Variants in PRIM2 observed in about 807,000 individuals in gnomAD.
The protein encoded by PRIM2 is DNA primase large subunit.
PRIM2 carries 39 observed loss-of-function variants against 67.3 expected under a neutral mutation model. That is an observed-to-expected ratio of 0.58 (90% CI 0.45 to 0.76). The LOEUF (loss-of-function observed/expected upper bound fraction) is 0.76, where lower values mean the gene tolerates loss of function less well. Ranked by LOEUF, PRIM2 falls within the 30% of genes least tolerant of loss-of-function variation. The pLI, the probability that PRIM2 is intolerant of heterozygous loss-of-function variation, is 0.00. For missense variants in PRIM2, 398 were observed against 598.7 expected, an observed-to-expected ratio of 0.66 and a Z score of 3.50; for synonymous variants, 143 against 198.7, an observed-to-expected ratio of 0.72 and a Z score of 2.36.
chr6:57,271,073 A>T, the PRIM2 span, among the ~76,000 whole-genome samples: 18 of 152,326 alleles, frequency 1.2e-4, no homozygotes, highest in African/African-American at 4.1e-4. Context: ...CATCAGGGAT[A>T]TCGGTCTAAA....
chr6:57,637,283 A>T (rs1777138111), intron 13 of PRIM2, among the ~76,000 whole-genome samples: 1 of 152,200 alleles, frequency 6.6e-6, no homozygotes, highest in East Asian at 1.9e-4. Flanking sequence ...AAGGTAGATA[A>T]ATCACAAAGA....
chr6:57,513,598 T>C lies in PRIM2; in HGVS notation c.761+6144T>C, dbSNP rs1554347919. On this transcript the variant is annotated intron_variant, in intron 8 of 13. Coordinates refer to ENST00000615550, the MANE Select transcript of PRIM2 (RefSeq NM_000947.5). ...GACAGCATATTATAAGTCACTGTAA[T>C]AGTTGCTATTATTGGCTGGACGCGG... Among the ~76,000 whole-genome samples the C allele has an allele frequency of 3.9e-5, 6 of 152,296 alleles. No individual in the cohort carries two copies. The East Asian group carries it at 1.2e-3, about 29-fold the overall frequency.
rs1222430566 is a variant in PRIM2 at position 57,627,837 on chromosome 6, A to T, written c.1231-4296A>T. 1.4e-4 allele frequency among the ~76,000 whole-genome samples: 21 copies of T among 152,338 alleles called. No individual in the cohort carries two copies. In the East Asian group the frequency reaches 4.0e-3, roughly 29 times the overall value. On this transcript the variant is annotated intron_variant, in intron 12 of 13. Coordinates refer to ENST00000615550, the MANE Select transcript of PRIM2 (RefSeq NM_000947.5). ...ATTTGTATAATATTCTTAGATCTTT[A>T]TATGAGTTTTTTCTTCAAATAAAAA...
chr6:57,340,649 T>G (rs1449077907), intron 5 of PRIM2, among the ~76,000 whole-genome samples: 1 of 151,972 alleles, frequency 6.6e-6, no homozygotes, highest in African/African-American at 2.4e-5. Context: ...AGGTGGGAAT[T>G]GAACAATGAG....
At chr6:57,257,524 G>A in the PRIM2 span, among the ~76,000 whole-genome samples, 1 of 152,140 alleles carries the variant, frequency 6.6e-6, no homozygotes, top group Non-Finnish European at 1.5e-5. Context: ...GCCCGCCTCG[G>A]CCTCCCAAAG....
chr6:57,225,814 A>C, the PRIM2 span, among the ~76,000 whole-genome samples: 4 of 152,214 alleles, frequency 2.6e-5, no homozygotes, highest in Admixed American at 2.0e-4. Flanking sequence ...CTGCATATAC[A>C]TATGAATGCA....
intron 5 of PRIM2, among the ~76,000 whole-genome samples, chr6:57,350,819 T>C (rs1768835858): frequency 6.6e-6 from 1 of 152,166 alleles, no homozygotes; most frequent in Admixed American, 6.5e-5. Context: ...CTAGATGTCA[T>C]ATATTCTGTT....
intron 7 of PRIM2, among the ~76,000 whole-genome samples, chr6:57,454,959 G>T (rs1468463552): frequency 1.3e-5 from 2 of 152,142 alleles, no homozygotes; most frequent in Non-Finnish European, 2.9e-5. Flanking sequence ...TGCTTTGAAT[G>T]TGTCCCAGAG....
At chr6:57,332,455 T>C (rs1768083577) in intron 5 of PRIM2, among the ~76,000 whole-genome samples, 1 of 152,174 alleles carries the variant, frequency 6.6e-6, no homozygotes, top group African/African-American at 2.4e-5. Flanking sequence ...CTATCCATTA[T>C]TGAAAGTGGG....
intron 10 of PRIM2, among the ~76,000 whole-genome samples, chr6:57,562,316 T>A (rs1451083894): frequency 6.6e-6 from 1 of 152,214 alleles, no homozygotes; most frequent in African/African-American, 2.4e-5. Context: ...GATGCAGGGT[T>A]CCACAAACCT....
At position 57,474,051 on chromosome 6, in the gene PRIM2, T is replaced by C. The variant is rs1773405271; in HGVS notation, c.694-33336T>C. Among the ~76,000 whole-genome samples the C allele has an allele frequency of 2.0e-5, 3 of 152,122 alleles. No homozygotes were observed. In the South Asian group the frequency reaches 6.2e-4, roughly 32 times the overall value. ...CACATGCTTGAGGAATTTGTAGATA[T>C]TATCCACCCATTTTTTAAGGAAAGG... is the stretch of plus-strand genomic sequence containing the variant. On this transcript the variant is annotated intron_variant, in intron 7 of 13. Transcript: ENST00000615550.
chr6:57,525,207 G>T (rs1554349256), intron 8 of PRIM2, among the ~76,000 whole-genome samples: 2 of 152,084 alleles, frequency 1.3e-5, no homozygotes, highest in African/African-American at 4.8e-5. Context: ...CTAAGAAAAA[G>T]ACTTTATTAT....
chr6:57,393,692 G>C (rs1581858882), intron 7 of PRIM2, among the ~76,000 whole-genome samples: 1 of 151,960 alleles, frequency 6.6e-6, no homozygotes, highest in East Asian at 1.9e-4. Context: ...TATCTTTGTT[G>C]TTATTGCATT....
At chr6:57,241,626 G>T in the PRIM2 span, among the ~76,000 whole-genome samples, 2 of 151,864 alleles carry the variant, frequency 1.3e-5, no homozygotes, top group Admixed American at 6.6e-5. Context: ...GAATTGGGGG[G>T]ATGGGGAGGA....
chr6:57,253,330 AAGG>A, the PRIM2 span, among the ~76,000 whole-genome samples: 6 of 152,220 alleles, frequency 3.9e-5, no homozygotes, highest in South Asian at 1.2e-3. Context: ...GGATCAGAGC[AAGG>A]AGGAGATCAT....
intron 5 of PRIM2, among the ~76,000 whole-genome samples, chr6:57,360,509 C>A (rs9370588): frequency 6.6e-6 from 1 of 152,070 alleles, no homozygotes; most frequent in Non-Finnish European, 1.5e-5. Flanking sequence ...TTTCGTAAGT[C>A]CAGGAAAGCA....
At chr6:57,639,429 C>CA (rs1212287588) in intron 13 of PRIM2, among the ~76,000 whole-genome samples, 6 of 151,572 alleles carry the variant, frequency 4.0e-5, no homozygotes, top group African/African-American at 4.8e-5. Context: ...GATAGAGACA[C>CA]AAAAAACCCT....
At chr6:57,589,177 A>T (rs1776243663) in intron 10 of PRIM2, among the ~76,000 whole-genome samples, 1 of 152,194 alleles carries the variant, frequency 6.6e-6, no homozygotes, top group African/African-American at 2.4e-5. Flanking sequence ...TAAATCAGGG[A>T]ATCCCAGAGA....
chr6:57,222,867 G>GAAC, the PRIM2 span, among the ~76,000 whole-genome samples: 3 of 152,170 alleles, frequency 2.0e-5, no homozygotes, highest in Admixed American at 6.6e-5. Context: ...ATGTAAACTG[G>GAAC]AACAACTCCT....
Sources: allele counts gnomAD v4.1 joint callset (sites outside exome capture counted in the v4.1 genomes callset), GRCh38; gene constraint gnomAD v4.1.1; transcripts MANE v1.5; gene names NCBI Gene and HGNC (gene_info 2026-07-23, HGNC 2026-07-21).